Variants in KCNK9 observed in about 807,000 individuals in gnomAD.
The protein encoded by KCNK9 is potassium channel subfamily K member 9.
KCNK9 carries 1 observed loss-of-function variant against 10.8 expected under a neutral mutation model. The ratio of observed to expected loss-of-function variants is 0.09; its 90% confidence interval spans 0.03 to 0.44. The LOEUF is 0.44. KCNK9 is among the 20% of genes least tolerant of loss of function. The pLI is 0.97. For synonymous variants in KCNK9, 231 were observed against 222.7 expected (o/e 1.04, Z -0.33); for missense variants, 303 against 515.0 (o/e 0.59, Z 3.98).
chr8:139,636,175 T>C (rs75545353), intron 1 of KCNK9, among the ~76,000 whole-genome samples: 1,960 of 152,354 alleles, frequency 0.013, 35 homozygotes, highest in African/African-American at 0.044. Context: ...GCACCAATGA[T>C]ATTCTTCTTC....
At chr8:139,624,530 C>T (rs917622430) in intron 1 of KCNK9, among the ~76,000 whole-genome samples, 2 of 152,192 alleles carry the variant, frequency 1.3e-5, no homozygotes, top group African/African-American at 2.4e-5. Flanking sequence ...CCCACCTGCC[C>T]TCCCCTGGCC....
intron 1 of KCNK9, among the ~76,000 whole-genome samples, chr8:139,684,311 C>T (rs962322089): frequency 1.3e-5 from 2 of 152,194 alleles, no homozygotes; most frequent in Non-Finnish European, 2.9e-5. Context: ...GCAGTTATAA[C>T]ATTTGACTTA....
chr8:139,673,867 C>G (rs576587863), intron 1 of KCNK9, among the ~76,000 whole-genome samples: 1 of 152,254 alleles, frequency 6.6e-6, no homozygotes, highest in African/African-American at 2.4e-5. Context: ...CCACCTGCTC[C>G]CTGGCTCCCC....
At chr8:139,645,761 T>G (rs150659130) in intron 1 of KCNK9, among the ~76,000 whole-genome samples, 110 of 152,308 alleles carry the variant, frequency 7.2e-4, no homozygotes, top group African/African-American at 2.3e-3. Flanking sequence ...ACCTGCCCCG[T>G]GCAAGGCCCC....
chr8:139,674,519 G>A (rs370093759), intron 1 of KCNK9, among the ~76,000 whole-genome samples: 199 of 152,288 alleles, frequency 1.3e-3, no homozygotes, highest in African/African-American at 4.2e-3. Flanking sequence ...GCAGGGACCC[G>A]GTTCTCCAAT....
At chr8:139,697,435 G>A (rs1027599733) in intron 1 of KCNK9, among the ~76,000 whole-genome samples, 3 of 151,590 alleles carry the variant, frequency 2.0e-5, no homozygotes, top group Non-Finnish European at 2.9e-5. Context: ...ATGGATGGAT[G>A]TGTAGATGGG....
At chr8:139,647,358 G>T (rs1203821712) in intron 1 of KCNK9, among the ~76,000 whole-genome samples, 1 of 152,226 alleles carries the variant, frequency 6.6e-6, no homozygotes, top group Non-Finnish European at 1.5e-5. Context: ...CCTGCTGTTT[G>T]CCAGGCACAG....
intron 1 of KCNK9, among the ~76,000 whole-genome samples, chr8:139,669,976 G>A (rs1310601815): frequency 2.6e-5 from 4 of 152,210 alleles, no homozygotes; most frequent in Non-Finnish European, 5.9e-5. Context: ...GCTCTTGGGT[G>A]ACAGGTGCAT....
chr8:139,645,199 T>C (rs1350281316), intron 1 of KCNK9, among the ~76,000 whole-genome samples: 1 of 152,174 alleles, frequency 6.6e-6, no homozygotes, highest in Non-Finnish European at 1.5e-5. Flanking sequence ...CCAGGTGCTG[T>C]GGGCCCGAGG....
intron 1 of KCNK9, among the ~76,000 whole-genome samples, chr8:139,646,398 C>T (rs566838968): frequency 4.6e-5 from 7 of 152,344 alleles, no homozygotes; most frequent in Admixed American, 2.0e-4. Context: ...CAGTCAGCTC[C>T]GTGGCTTCTG....
Position 139,702,163 on chromosome 8 carries a change from G to A in KCNK9, c.283+547C>T, listed in dbSNP as rs1270366614. ...AGGGGAAAAAAGGAGCCGGGCGGGGGGAAGAGAGATGAAATCTGAGCTCAG... is the reference window on the plus strand; with the variant it reads ...AGGGGAAAAAAGGAGCCGGGCGGGGAGAAGAGAGATGAAATCTGAGCTCAG... On this transcript the variant is annotated intron_variant, in intron 1 of 1. Coordinates refer to ENST00000520439, the MANE Select transcript of KCNK9 (RefSeq NM_001282534.2). This position sits in a 1 kb window ranked among gnomAD's most constrained non-coding sequence, Gnocchi z 7.5. Among the ~76,000 whole-genome samples the A allele has an allele frequency of 6.6e-6, 1 of 152,164 alleles. No homozygotes were observed. Among genetic ancestry groups the A allele is most frequent in the Non-Finnish European group, 1.5e-5 (1 of 68,008 alleles).
rs532354061 is a variant in KCNK9, at chr8:139,657,775, TAA to T, written c.284-38678_284-38677del. 9.2e-4 allele frequency among the ~76,000 whole-genome samples: 140 copies of T among 152,346 alleles called. 1 individual carries two copies. Among genetic ancestry groups the T allele is most frequent in the African/African-American group, 3.2e-3 (133 of 41,578 alleles). ...TTATTCATAAAAGCTTTGCATGAATTAACTTCCTGTCTCCTCACAGAGGAGGG... is the reference window on the plus strand; with the variant it reads ...TTATTCATAAAAGCTTTGCATGAATTCTTCCTGTCTCCTCACAGAGGAGGG... On this transcript the variant is annotated intron_variant, in intron 1 of 1. Coordinates refer to ENST00000520439, the MANE Select transcript of KCNK9 (RefSeq NM_001282534.2).
rs1816477733 is a variant in KCNK9, at chr8:139,673,273, G to A, written c.283+29437C>T. Reference sequence around the variant, plus strand: ...CAGGTGAATAAAAGGTTCTAAAATCGACTGTGGAGATGGCTGCGCATATCT... The same window carrying A: ...CAGGTGAATAAAAGGTTCTAAAATCAACTGTGGAGATGGCTGCGCATATCT... On this transcript the variant is annotated intron_variant, in intron 1 of 1. Transcript: ENST00000520439. Among the ~76,000 whole-genome samples the A allele has an allele frequency of 2.0e-5, 3 of 152,320 alleles. 1 individual carries two copies. In the South Asian group the frequency reaches 6.2e-4, roughly 32 times the overall value.
chr8:139,617,472 T>C lies in KCNK9; in HGVS notation c.*786A>G, dbSNP rs1481388322. 1.3e-5 allele frequency among the ~76,000 whole-genome samples: 2 copies of C among 152,318 alleles called. No homozygotes were observed. The highest frequency in any genetic ancestry group is 2.1e-4 in the South Asian group (1 of 4,826). On this transcript the variant is annotated 3_prime_UTR_variant, in exon 2 of 2. Transcript: ENST00000520439. ...TACCAGTTTAACAAAGTGCATGCTT[T>C]TTAAAAAATGTCTGAACTGGCAAGC...
At chr8:139,681,182 G>A (rs1402901257) in intron 1 of KCNK9, among the ~76,000 whole-genome samples, 1 of 152,160 alleles carries the variant, frequency 6.6e-6, no homozygotes, top group Non-Finnish European at 1.5e-5. Context: ...TCTCCAGAAG[G>A]CAGTCATCAT....
At chr8:139,671,562 G>A (rs1256782261) in intron 1 of KCNK9, among the ~76,000 whole-genome samples, 2 of 147,362 alleles carry the variant, frequency 1.4e-5, no homozygotes, top group East Asian at 2.0e-4. Context: ...CCAGGCTAGA[G>A]TGCAGTAGCA....
At chr8:139,633,066 A>G (rs1815224123) in intron 1 of KCNK9, among the ~76,000 whole-genome samples, 1 of 152,176 alleles carries the variant, frequency 6.6e-6, no homozygotes, top group South Asian at 2.1e-4. Context: ...GCGATCTGGC[A>G]GGGTGCAGCC....
chr8:139,607,443 C>T (rs1814257386), intron 2 of KCNK9, among the ~76,000 whole-genome samples: 1 of 152,194 alleles, frequency 6.6e-6, no homozygotes, highest in African/African-American at 2.4e-5. Context: ...CAAAGGGGCC[C>T]CCGGGAGCTG....
chr8:139,601,331 ACCGTTCT>A (rs1163593663), exon 3 of KCNK9: 1 of 152,054 alleles, frequency 6.6e-6, no homozygotes, highest in African/African-American at 2.4e-5. Flanking sequence ...CTCCATCCAA[ACCGTTCT>A]CTCTTTGGAT....
Sources: gnomAD v4.1 joint callset for allele counts (sites outside exome capture counted in the v4.1 genomes callset) on GRCh38, gnomAD v4.1.1 for gene constraint, Gnocchi (gnomAD v3.1) non-coding constraint, MANE v1.5 for transcripts, NCBI Gene and HGNC (gene_info 2026-07-23, HGNC 2026-07-21) for gene names.